Variants in C9orf153 observed in about 807,000 individuals in gnomAD.
C9orf153 encodes the protein chromosome 9 open reading frame 153.
In C9orf153, 10 loss-of-function variants were observed where a neutral mutation model predicts 9.0. The ratio of observed to expected loss-of-function variants is 1.11; its 90% CI spans 0.69 to 1.89. The LOEUF (loss-of-function observed/expected upper bound fraction) is 1.89, where lower values mean the gene tolerates loss of function less well. C9orf153 is among the 40% of genes most tolerant of loss of function. The pLI is 0.00. For synonymous variants in C9orf153, 35 were observed against 37.3 expected (o/e 0.94, Z 0.23); for missense variants, 108 against 111.0 (o/e 0.97, Z 0.12).
intron 1 of C9orf153, 92 bp from the exon 2 acceptor site, chr9:86,229,721 A>C (rs1824425270): frequency 4.3e-6 from 3 of 699,730 alleles, no homozygotes; most frequent in Non-Finnish European, 7.2e-6. Context: ...AATCTTAATA[A>C]ATTTGTGAGT....
rs60404891 is a variant in C9orf153, at chr9:86,242,369, T to TTC, written c.-26-12741_-26-12740insGA. Among the ~76,000 whole-genome samples the TTC allele has an allele frequency of 3.4e-4, 51 of 151,808 alleles. 1 individual carries two copies. In the East Asian group the frequency reaches 9.2e-3, roughly 27 times the overall value. ...GATCTGGCTTACATTCTTTTTTTTTTCTGCTGCCGCAAGACTTTCTTTGTG... is the reference window on the plus strand; with the variant it reads ...GATCTGGCTTACATTCTTTTTTTTTTTCCTGCTGCCGCAAGACTTTCTTTGTG... On this transcript the variant is annotated intron_variant, in intron 1 of 3. Transcript: ENST00000339137.
intron 1 of C9orf153, among the ~76,000 whole-genome samples, chr9:86,237,013 AAATGACAAC>A (rs1410230489): frequency 1.3e-5 from 2 of 151,906 alleles, no homozygotes; most frequent in Non-Finnish European, 2.9e-5. Flanking sequence ...AAAATGAAAC[AAATGACAAC>A]AATGACATAG....
At chr9:86,255,524 C>T (rs193204583) in intron 1 of C9orf153, among the ~76,000 whole-genome samples, 8 of 152,298 alleles carry the variant, frequency 5.3e-5, no homozygotes. Context: ...AAGGCTGCTA[C>T]CTGTGAGGTT....
At chr9:86,223,134 A>G (rs536709095) in intron 3 of C9orf153, among the ~76,000 whole-genome samples, 1 of 152,278 alleles carries the variant, frequency 6.6e-6, no homozygotes, top group South Asian at 2.1e-4. Flanking sequence ...CTGGCATAGC[A>G]AGAAGTGGTG....
intron 1 of C9orf153, among the ~76,000 whole-genome samples, chr9:86,246,369 C>A (rs141545166): frequency 1.3e-5 from 2 of 152,136 alleles, no homozygotes; most frequent in African/African-American, 4.8e-5. Context: ...AAACCTTCTG[C>A]AGTGCAGCCA....
intron 3 of C9orf153, among the ~76,000 whole-genome samples, 189 bp from the exon 4 acceptor site, chr9:86,221,922 G>C (rs932878295): frequency 5.9e-5 from 9 of 151,994 alleles, no homozygotes; most frequent in African/African-American, 2.2e-4. Context: ...TTTTGCTCTT[G>C]TTGCCCAGGC....
At chr9:86,225,904 T>A (rs1011667627) in intron 3 of C9orf153, among the ~76,000 whole-genome samples, 1 of 152,158 alleles carries the variant, frequency 6.6e-6, no homozygotes, top group Non-Finnish European at 1.5e-5. Context: ...ATCAGAGACC[T>A]CCAGAAGTTA....
intron 1 of C9orf153, among the ~76,000 whole-genome samples, chr9:86,252,676 T>A (rs150588102): frequency 1.2e-3 from 180 of 152,334 alleles, no homozygotes; most frequent in African/African-American, 4.1e-3. Context: ...ATTTTTTAGT[T>A]ATATTTGTAT....
chr9:86,222,574 T>C (rs1443475480), intron 3 of C9orf153, among the ~76,000 whole-genome samples: 2 of 152,072 alleles, frequency 1.3e-5, no homozygotes, highest in East Asian at 3.9e-4. Context: ...GCAGTTACAA[T>C]TCCTTCAAGT....
At chr9:86,246,521 C>T (rs576162348) in intron 1 of C9orf153, among the ~76,000 whole-genome samples, 41 of 152,152 alleles carry the variant, frequency 2.7e-4, no homozygotes, top group African/African-American at 9.6e-4. Flanking sequence ...CGCAAGCAGC[C>T]AATTAAAGCA....
intron 1 of C9orf153, among the ~76,000 whole-genome samples, chr9:86,238,227 G>C (rs1824645796): frequency 6.6e-6 from 1 of 152,208 alleles, no homozygotes. Flanking sequence ...GACAGATCCA[G>C]CAGGCAGAAT....
chr9:86,227,358 GTCTT>G (rs747713773), intron 3 of C9orf153: 3 of 1,533,950 alleles, frequency 2.0e-6, no homozygotes, highest in East Asian at 2.4e-5. Flanking sequence ...TGGAGATGGG[GTCTT>G]TCTATGTTTT....
intron 3 of C9orf153, among the ~76,000 whole-genome samples, chr9:86,222,673 C>T (rs1013496710): frequency 7.2e-5 from 11 of 152,136 alleles, no homozygotes; most frequent in Admixed American, 2.0e-4. Context: ...TCTCTTCCAC[C>T]CTTTTCATGG....
intron 1 of C9orf153, among the ~76,000 whole-genome samples, chr9:86,238,666 C>A (rs201126436): frequency 6.6e-6 from 1 of 152,020 alleles, no homozygotes; most frequent in Admixed American, 6.6e-5. Context: ...TTAAATTTTT[C>A]TTTCATGAAT....
intron 1 of C9orf153, among the ~76,000 whole-genome samples, chr9:86,243,570 A>G (rs528674566): frequency 3.4e-4 from 51 of 150,376 alleles, no homozygotes; most frequent in Non-Finnish European, 6.0e-4. Flanking sequence ...GGTTCAAGCG[A>G]TTCTCCTGCC....
intron 3 of C9orf153, among the ~76,000 whole-genome samples, chr9:86,226,208 G>A (rs1824328269): frequency 6.6e-6 from 1 of 152,144 alleles, no homozygotes; most frequent in African/African-American, 2.4e-5. Flanking sequence ...ATTTGGCTCT[G>A]TTAAGATGTC....
intron 3 of C9orf153, among the ~76,000 whole-genome samples, chr9:86,226,106 C>G (rs1824324925): frequency 6.6e-6 from 1 of 152,150 alleles, no homozygotes; most frequent in Non-Finnish European, 1.5e-5. Context: ...TACTTGTGTA[C>G]TTTGCGAATT....
intron 1 of C9orf153, among the ~76,000 whole-genome samples, chr9:86,237,915 C>T (rs990522022): frequency 2.0e-5 from 3 of 151,952 alleles, no homozygotes; most frequent in Non-Finnish European, 2.9e-5. Flanking sequence ...CCTGTCTCTA[C>T]TAAAAACGTA....
chr9:86,248,581 C>T (rs1260508925), intron 1 of C9orf153, among the ~76,000 whole-genome samples: 1 of 152,104 alleles, frequency 6.6e-6, no homozygotes, highest in Non-Finnish European at 1.5e-5. Flanking sequence ...GAGTTGGGGG[C>T]CTTGCATCTA....
Sources: gnomAD v4.1 joint callset for allele counts (sites outside exome capture counted in the v4.1 genomes callset) on GRCh38, gnomAD v4.1.1 for gene constraint, MANE v1.5 for transcripts, NCBI Gene and HGNC (gene_info 2026-07-23, HGNC 2026-07-21) for gene names.